NDNF: variants seen among roughly 807,000 people sequenced by gnomAD.
The protein encoded by NDNF is protein NDNF.
Under a neutral mutation model 42.0 loss-of-function variants are expected in NDNF, and 16 were observed. The ratio of observed to expected loss-of-function variants is 0.38; its 90% CI spans 0.26 to 0.58. The LOEUF is 0.58. Ranked by LOEUF, NDNF falls within the 20% of genes least tolerant of loss-of-function variation. The pLI is 0.67. For missense variants in NDNF, 616 were observed against 666.2 expected (o/e 0.92, Z 0.83); for synonymous variants, 248 against 251.7 (o/e 0.99, Z 0.14).
At chr4:121,039,794 A>G (rs986985426) in intron 3 of NDNF, 136 bp downstream of exon 3, 14 of 960,948 alleles carry the variant, frequency 1.5e-5, no homozygotes, top group Non-Finnish European at 2.1e-5. Flanking sequence ...CACTTCCCTT[A>G]TCTCCGTCTC....
intron 1 of NDNF, among the ~76,000 whole-genome samples, chr4:121,068,569 C>A (rs1314513200): frequency 1.3e-5 from 2 of 152,132 alleles, no homozygotes; most frequent in Admixed American, 6.5e-5. Context: ...GGTATCCCTG[C>A]CTTTGACCCA....
Position 121,057,701 on chromosome 4 carries a change from T to G in NDNF, c.-1-11863A>C, listed in dbSNP as rs558967918. ...GGCATATCTGACAAAGCCATTCCAC[T>G]GAAGGAAGCAGTTTGAAAAGTAGGA... On this transcript the variant is annotated intron_variant, in intron 1 of 3. Coordinates refer to ENST00000379692, the MANE Select transcript of NDNF (RefSeq NM_024574.4). Among the ~76,000 whole-genome samples, 4 of 152,302 alleles carry G rather than the reference T, an allele frequency of 2.6e-5. No homozygotes were observed. In the South Asian group the frequency reaches 8.3e-4, roughly 32 times the overall value.
rs774064376 is a variant in NDNF, at chr4:121,037,450, G to T, written c.521C>A (p.Pro174His). 6.2e-7 allele frequency: 1 copy of T among 1,614,118 alleles called. No individual in the cohort carries two copies. The highest frequency in any genetic ancestry group is 1.1e-5 in the South Asian group (1 of 91,078). ...TACTCTTGGGTCATAGGGTAACTCAGGGTATGGCTGATCAGATTCTGGAGT... is the reference window on the plus strand; with the variant it reads ...TACTCTTGGGTCATAGGGTAACTCATGGTATGGCTGATCAGATTCTGGAGT... ...TTTPESDQPY[P>H]ELPYDPRVDV... Residue 174 changes from proline to histidine, a missense_variant, in exon 4 of 4, where the codon CCT becomes CAT. Pro to His is a moderately conservative substitution (Grantham distance 77). Coordinates refer to ENST00000379692, the MANE Select transcript of NDNF (RefSeq NM_024574.4).
At chr4:121,039,159 ATATATAT>A (rs1726937211) in intron 3 of NDNF, among the ~76,000 whole-genome samples, 1 of 52,176 alleles carries the variant, frequency 1.9e-5, no homozygotes. Context: ...ATATATATGT[ATATATAT>A]ATATAAAGAC....
intron 2 of NDNF, among the ~76,000 whole-genome samples, chr4:121,042,146 G>T (rs897690281): frequency 2.0e-5 from 3 of 152,140 alleles, no homozygotes; most frequent in Non-Finnish European, 4.4e-5. Context: ...CCTCACAAGG[G>T]CCCTGTTAGG....
chr4:121,058,876 G>GA (rs1327119785), intron 1 of NDNF, among the ~76,000 whole-genome samples: 1 of 151,464 alleles, frequency 6.6e-6, no homozygotes, highest in African/African-American at 2.4e-5. Flanking sequence ...TTCACTCTTC[G>GA]AAAAAATTAA....
chr4:121,056,378 C>G lies in NDNF; in HGVS notation c.-1-10540G>C, dbSNP rs77883917. Among the ~76,000 whole-genome samples the G allele has an allele frequency of 2.9e-3, 437 of 152,280 alleles. 3 individuals are homozygous for G. Among genetic ancestry groups the G allele is most frequent in the African/African-American group, 9.8e-3 (409 of 41,558 alleles). The stretch of plus-strand genomic sequence containing the variant: ...CAGCGTCTTTAGGATGGACACCAAG[C>G]TTTGATGTATAATACTCTACAGGGC... On this transcript the variant is annotated intron_variant, in intron 1 of 3. Transcript: ENST00000379692.
chr4:121,040,205 C>A, intron 2 of NDNF, 151 bp from the exon 3 acceptor site: 1 of 794,520 alleles, frequency 1.3e-6, no homozygotes, highest in Non-Finnish European at 1.9e-6. Context: ...TCCCTTAACA[C>A]AGTTTAATAA....
In NDNF at chr4:121,045,739, C is replaced by G. The variant is rs760205671; in HGVS notation, c.99G>C (p.Gln33His). Residue 33 changes from glutamine (Q) to histidine (H), a missense_variant, in exon 2 of 4, where the codon CAG (glutamine) becomes CAC (histidine). Gln to His is a conservative substitution (Grantham distance 24, BLOSUM62 0). Coordinates refer to ENST00000379692, the MANE Select transcript of NDNF (RefSeq NM_024574.4). ...CATGAAAAAATGCCTTGTCCCGGAT[C>G]TGCATCTGAAAAAGTTCCTCATCCC... The part of the protein sequence containing the change: ...PTRDEELFQM[Q>H]IRDKAFFHDS... 6.2e-7 allele frequency: 1 copy of G among 1,614,186 alleles called. No individual in the cohort carries two copies. Among genetic ancestry groups the G allele is most frequent in the African/African-American group, 1.3e-5 (1 of 75,046 alleles).
chr4:121,038,633 T>G (rs916604887), intron 3 of NDNF, among the ~76,000 whole-genome samples: 4 of 152,110 alleles, frequency 2.6e-5, no homozygotes, highest in Non-Finnish European at 5.9e-5. Context: ...GAAAGTGAGC[T>G]ATACAGAATT....
chr4:121,067,431 C>T (rs950635128), intron 1 of NDNF, among the ~76,000 whole-genome samples: 2 of 151,982 alleles, frequency 1.3e-5, no homozygotes, highest in African/African-American at 4.8e-5. Flanking sequence ...AAAACCAAGA[C>T]CTATTAACTA....
chr4:121,070,442 A>G lies in NDNF; in HGVS notation c.-2+1551T>C, dbSNP rs540686500. 3.3e-5 allele frequency among the ~76,000 whole-genome samples: 5 copies of G among 152,170 alleles called. No individual in the cohort carries two copies. In the East Asian group the frequency reaches 5.8e-4, roughly 18 times the overall value. Reference sequence around the variant, plus strand: ...GGGGCGGAGAATGGAGCGGAGTCCTATTTATTTCCATTGATGACTCCCCTG... The same window carrying G: ...GGGGCGGAGAATGGAGCGGAGTCCTGTTTATTTCCATTGATGACTCCCCTG... On this transcript the variant is annotated intron_variant, in intron 1 of 3. Coordinates refer to ENST00000379692, the MANE Select transcript of NDNF (RefSeq NM_024574.4).
At chr4:121,066,594 C>A (rs1208885062) in intron 1 of NDNF, among the ~76,000 whole-genome samples, 5 of 152,088 alleles carry the variant, frequency 3.3e-5, no homozygotes, top group Non-Finnish European at 7.4e-5. Flanking sequence ...TTGTATATAC[C>A]AATTTGTTCA....
At chr4:121,052,884 T>C (rs1727223688) in intron 1 of NDNF, among the ~76,000 whole-genome samples, 1 of 152,182 alleles carries the variant, frequency 6.6e-6, no homozygotes, top group South Asian at 2.1e-4. Flanking sequence ...ATACAGCATA[T>C]TATGGGCTGA....
chr4:121,057,473 A>G (rs916464285), intron 1 of NDNF, among the ~76,000 whole-genome samples: 2 of 152,184 alleles, frequency 1.3e-5, no homozygotes, highest in Non-Finnish European at 1.5e-5. Flanking sequence ...AGCCACAGGG[A>G]CTGGAAGACA....
At chr4:121,065,717 T>TGC (rs1553925432) in intron 1 of NDNF, among the ~76,000 whole-genome samples, 3 of 147,632 alleles carry the variant, frequency 2.0e-5, no homozygotes, top group Non-Finnish European at 4.5e-5. Flanking sequence ...AAGAATGAAA[T>TGC]ACACACACAC....
At chr4:121,070,232 A>T (rs1251074009) in intron 1 of NDNF, among the ~76,000 whole-genome samples, 1 of 25,126 alleles carries the variant, frequency 4.0e-5, no homozygotes, top group Non-Finnish European at 4.4e-4. Context: ...AACAATAATG[A>T]ATAATCATAC....
At chr4:121,049,630 G>C (rs1727155490) in intron 1 of NDNF, among the ~76,000 whole-genome samples, 1 of 152,174 alleles carries the variant, frequency 6.6e-6, no homozygotes, top group South Asian at 2.1e-4. Context: ...GTCTTTCATA[G>C]TCTTTGACAC....
At chr4:121,042,849 C>T (rs1727026012) in intron 2 of NDNF, among the ~76,000 whole-genome samples, 1 of 152,108 alleles carries the variant, frequency 6.6e-6, no homozygotes, top group South Asian at 2.1e-4. Flanking sequence ...TCATTTCACA[C>T]AAGGAAGTAG....
Sources: allele counts gnomAD v4.1 joint callset (sites outside exome capture counted in the v4.1 genomes callset), GRCh38; gene constraint gnomAD v4.1.1; transcripts MANE v1.5; gene names NCBI Gene and HGNC (gene_info 2026-07-23, HGNC 2026-07-21).